TPRG1: variants seen among roughly 807,000 people sequenced by gnomAD.
The protein encoded by TPRG1 is tumor protein p63 regulated 1.
A neutral mutation model predicts 29.3 loss-of-function variants in TPRG1; 29 were observed. That is an observed-to-expected ratio of 0.99 (90% CI 0.74 to 1.35). TPRG1 has a LOEUF of 1.35. Among genes scored for constraint, TPRG1 ranks in the 40% most tolerant of loss-of-function variants. The probability of loss-of-function intolerance (pLI) is 0.00; values close to 1 mark genes in which losing one functional copy is unlikely to be tolerated. For missense variants in TPRG1, 327 were observed against 335.0 expected, an observed-to-expected ratio of 0.98 and a Z score of 0.19; for synonymous variants, 130 against 116.8, an observed-to-expected ratio of 1.11 and a Z score of -0.73.
chr3:189,223,260 C>T (rs980243860), intron 3 of TPRG1, among the ~76,000 whole-genome samples: 3 of 152,172 alleles, frequency 2.0e-5, no homozygotes, highest in Non-Finnish European at 4.4e-5. Context: ...GTCCTGCCTC[C>T]GTGTCCATGG....
intron 4 of TPRG1, among the ~76,000 whole-genome samples, chr3:189,059,574 A>G (rs1715959333): frequency 6.6e-6 from 1 of 152,086 alleles, no homozygotes; most frequent in Admixed American, 6.6e-5. Flanking sequence ...CCTGAGCGAC[A>G]GAGCAAGACT....
chr3:189,298,179 G>C (rs1165547718), intron 4 of TPRG1, among the ~76,000 whole-genome samples: 1 of 152,064 alleles, frequency 6.6e-6, no homozygotes, highest in African/African-American at 2.4e-5. Flanking sequence ...GGAAACATTG[G>C]CATTTCTTGA....
At chr3:189,094,220 C>T (rs188681375) in intron 4 of TPRG1, among the ~76,000 whole-genome samples, 13 of 152,130 alleles carry the variant, frequency 8.5e-5, no homozygotes, top group Non-Finnish European at 1.8e-4. Flanking sequence ...AACAGGGTAG[C>T]GTATGAAGTA....
chr3:189,027,844 T>C (rs1353342475), intron 4 of TPRG1, among the ~76,000 whole-genome samples: 1 of 152,130 alleles, frequency 6.6e-6, no homozygotes, highest in Non-Finnish European at 1.5e-5. Flanking sequence ...AGCAATAGCA[T>C]TGTGAACAGT....
intron 4 of TPRG1, among the ~76,000 whole-genome samples, chr3:189,065,436 A>G (rs1370443631): frequency 6.6e-6 from 1 of 152,174 alleles, no homozygotes; most frequent in Non-Finnish European, 1.5e-5. Flanking sequence ...AATATTAACA[A>G]TCCCTATCTA....
At chr3:189,210,605 T>A (rs1735113369) in intron 2 of TPRG1, among the ~76,000 whole-genome samples, 1 of 152,206 alleles carries the variant, frequency 6.6e-6, no homozygotes, top group Admixed American at 6.5e-5. Context: ...AACATTATAT[T>A]CTAGATTTCC....
At chr3:188,999,892 A>C (rs1333650535) in intron 1 of TPRG1, among the ~76,000 whole-genome samples, 1 of 152,104 alleles carries the variant, frequency 6.6e-6, no homozygotes, top group African/African-American at 2.4e-5. Context: ...TTCAGGATAA[A>C]TTTCTACGGT....
chr3:189,124,643 G>A (rs565513079), intron 1 of TPRG1, among the ~76,000 whole-genome samples: 15 of 151,734 alleles, frequency 9.9e-5, no homozygotes, highest in Non-Finnish European at 1.6e-4. Flanking sequence ...AATAATCTTG[G>A]CAGCAGGAGG....
intron 5 of TPRG1, among the ~76,000 whole-genome samples, chr3:189,158,631 G>GTAAA (rs771280243): frequency 6.6e-6 from 1 of 151,836 alleles, no homozygotes; most frequent in Non-Finnish European, 1.5e-5. Context: ...AAAATAATAA[G>GTAAA]TAAATAAATA....
At chr3:189,039,596 T>C (rs1383359525) in intron 4 of TPRG1, among the ~76,000 whole-genome samples, 2 of 152,212 alleles carry the variant, frequency 1.3e-5, no homozygotes, top group African/African-American at 4.8e-5. Context: ...CCTCTTTAGA[T>C]CTTTCCTTCT....
chr3:189,206,689 C>T (rs1439742637), intron 1 of TPRG1, among the ~76,000 whole-genome samples: 5 of 151,770 alleles, frequency 3.3e-5, no homozygotes, highest in African/African-American at 7.3e-5. Flanking sequence ...TTTGTAGAGA[C>T]TGGGTTTCGC....
intron 1 of TPRG1, among the ~76,000 whole-genome samples, chr3:189,176,231 A>G (rs538693893): frequency 6.6e-6 from 1 of 152,324 alleles, no homozygotes; most frequent in African/African-American, 2.4e-5. Flanking sequence ...TATATCTCAG[A>G]GTTCTGCGCC....
intron 4 of TPRG1, among the ~76,000 whole-genome samples, chr3:189,243,899 C>G (rs1040925561): frequency 1.3e-5 from 2 of 152,190 alleles, no homozygotes; most frequent in Non-Finnish European, 2.9e-5. Context: ...ATATCACTAT[C>G]AGCATTTTGG....
chr3:189,119,154 C>T (rs1286098440), intron 1 of TPRG1, among the ~76,000 whole-genome samples: 1 of 152,216 alleles, frequency 6.6e-6, no homozygotes, highest in Non-Finnish European at 1.5e-5. Context: ...GGATGTGAGT[C>T]ATGGAGTCAA....
chr3:189,139,926 G>C (rs1724315146), intron 3 of TPRG1, among the ~76,000 whole-genome samples: 1 of 152,134 alleles, frequency 6.6e-6, no homozygotes, highest in Non-Finnish European at 1.5e-5. Flanking sequence ...GCAGAGCAGA[G>C]AACCCTAAAA....
chr3:189,254,628 C>T lies in TPRG1; in HGVS notation c.479+15719C>T, dbSNP rs560220131. 9.2e-5 allele frequency among the ~76,000 whole-genome samples: 14 copies of T among 152,242 alleles called. No individual in the cohort carries two copies. In the South Asian group the frequency reaches 1.7e-3, roughly 18 times the overall value. ...ACTTTGGGCAGTACGGCCATTTTCA[C>T]GATATTGATTCTTCCTATCCATGAG... On this transcript the variant is annotated intron_variant, in intron 4 of 5. Transcript: ENST00000345063.
chr3:189,180,499 G>A (rs9829552), intron 1 of TPRG1, among the ~76,000 whole-genome samples: 72,956 of 151,870 alleles, frequency 0.48, 17,646 homozygotes, highest in South Asian at 0.55. Context: ...GCCAAAACAA[G>A]AGGGCTACAG....
intron 4 of TPRG1, among the ~76,000 whole-genome samples, chr3:189,062,833 G>A (rs1716205629): frequency 1.3e-5 from 2 of 151,990 alleles, no homozygotes; most frequent in Non-Finnish European, 2.9e-5. Flanking sequence ...TAACCCACAG[G>A]AAGGCAATAA....
chr3:189,183,816 C>G (rs920332005), intron 1 of TPRG1, among the ~76,000 whole-genome samples: 1 of 151,602 alleles, frequency 6.6e-6, no homozygotes, highest in Non-Finnish European at 1.5e-5. Context: ...TTTAAACACA[C>G]ATGCTCTACA....
Sources: gnomAD v4.1 joint callset for allele counts (sites outside exome capture counted in the v4.1 genomes callset) on GRCh38, gnomAD v4.1.1 for gene constraint, MANE v1.5 for transcripts, NCBI Gene and HGNC (gene_info 2026-07-23, HGNC 2026-07-21) for gene names.